Variants in DHRS7 observed in about 807,000 individuals in gnomAD.
The protein encoded by DHRS7 is dehydrogenase/reductase 7.
In DHRS7, 34 loss-of-function variants were observed where a neutral mutation model predicts 38.9. That is an observed-to-expected ratio of 0.87 (90% CI 0.66 to 1.16). The LOEUF (loss-of-function observed/expected upper bound fraction) is 1.16. DHRS7 is among the 50% of genes most tolerant of loss of function. The probability of loss-of-function intolerance (pLI) is 0.00; values close to 1 mark genes in which losing one functional copy is unlikely to be tolerated. For missense variants in DHRS7, 421 were observed against 407.0 expected (o/e 1.03, Z -0.30); for synonymous variants, 158 against 153.1 (o/e 1.03, Z -0.24).
chr14:60,168,866 C>A, upstream of DHRS7: 2 of 1,272,262 alleles, frequency 1.6e-6, no homozygotes, highest in South Asian at 1.7e-5. Flanking sequence ...CAGAGGAGAA[C>A]TTGACATATT....
In DHRS7 at chr14:60,165,326, C is replaced by G; in HGVS notation, c.-17G>C. The G allele has an allele frequency of 1.3e-6, 2 of 1,566,536 alleles. No homozygotes were observed. The highest frequency in any genetic ancestry group is 1.7e-6 in the Non-Finnish European group (2 of 1,160,222). ...CCAGTTCATTGCGGCCGCGCACGCC[C>G]AGCTCGGGGGGAAGAAGACGGCCCG... is the stretch of plus-strand genomic sequence containing the variant. On this transcript the variant is annotated 5_prime_UTR_variant, in exon 1 of 7. Transcript: ENST00000557185. The surrounding 1 kb of genome is among the most constrained non-coding windows in gnomAD (Gnocchi z 4.6).
chr14:60,158,121 T>A (rs2140606491), intron 1 of DHRS7, among the ~76,000 whole-genome samples: 1 of 150,542 alleles, frequency 6.6e-6, no homozygotes, highest in Non-Finnish European at 1.5e-5. Context: ...TAACCCCAAC[T>A]ACTCAGGAGG....
At position 60,162,091 on chromosome 14, in the gene DHRS7, T is replaced by C. The variant is rs1369623824; in HGVS notation, c.133+3086A>G. Among the ~76,000 whole-genome samples the C allele has an allele frequency of 6.6e-6, 1 of 152,200 alleles. No individual in the cohort carries two copies. Among genetic ancestry groups the C allele is most frequent in the Non-Finnish European group, 1.5e-5 (1 of 68,030 alleles). ...TTAGTCACCCTTAAATTTCACCATA[T>C]GTGGCTGGGCTTGGCAGTTCACATC... On this transcript the variant is annotated intron_variant, in intron 1 of 6. Transcript: ENST00000557185. This position sits in a 1 kb window ranked among gnomAD's most constrained non-coding sequence, Gnocchi z 4.5.
chr14:60,149,211 G>C (rs1209274806), intron 6 of DHRS7, 142 bp downstream of exon 6: 8 of 728,940 alleles, frequency 1.1e-5, no homozygotes, highest in Admixed American at 6.8e-5. Flanking sequence ...GGCCTCAAGT[G>C]ATCTGCCTTG....
chr14:60,157,766 C>G (rs2140605954), intron 1 of DHRS7, among the ~76,000 whole-genome samples: 1 of 152,236 alleles, frequency 6.6e-6, no homozygotes, highest in South Asian at 2.1e-4. Flanking sequence ...AATAAACACC[C>G]AAGAACCCTG....
upstream of DHRS7, chr14:60,169,030 C>T (rs1407427857): frequency 4.2e-6 from 1 of 236,076 alleles, no homozygotes; most frequent in African/African-American, 2.3e-5. Context: ...GCCTGGAAGG[C>T]AGAAGTTGCA....
intron 6 of DHRS7, chr14:60,149,113 C>A: frequency 2.1e-6 from 1 of 477,526 alleles, no homozygotes; most frequent in South Asian, 2.2e-5. Context: ...GCTGGGATTA[C>A]AGGCATGCAC....
Position 60,144,647 on chromosome 14 carries a change from A to G in DHRS7, c.*319T>C. 1 of 231,206 alleles carries G rather than the reference A, an allele frequency of 4.3e-6. No individual in the cohort carries two copies. The highest frequency in any genetic ancestry group is 8.3e-6 in the Non-Finnish European group (1 of 120,372). 14.3% of individuals were successfully genotyped at this position (231,206 alleles called of 1,614,324 possible). On this transcript the variant is annotated 3_prime_UTR_variant, in exon 7 of 7. Transcript: ENST00000557185. ...AACAGATTTCTGTTGTTTATAAATT[A>G]CCAAATCTGTGGTATTTTGTTATAG...
upstream of DHRS7, chr14:60,168,666 CCTT>C (rs778882767): frequency 5.2e-6 from 8 of 1,539,212 alleles, no homozygotes; most frequent in South Asian, 3.7e-5. Context: ...TTTTTCCTCT[CCTT>C]CTCTTTTTTC....
At chr14:60,169,683 T>TA (rs1896909216), upstream of DHRS7, 1 of 152,296 alleles carries the variant, frequency 6.6e-6, no homozygotes, top group Admixed American at 6.5e-5. Context: ...TGTCACTGTA[T>TA]GGAAACACCT....
chr14:60,149,672 G>A (rs1029019883), intron 5 of DHRS7, 104 bp from the exon 6 acceptor site: 2 of 814,584 alleles, frequency 2.5e-6, no homozygotes, highest in Admixed American at 5.6e-5. Context: ...CTTTAGTGGA[G>A]CTTCATGCCC....
chr14:60,154,947 C>G (rs1002551956), intron 2 of DHRS7, among the ~76,000 whole-genome samples: 2 of 151,924 alleles, frequency 1.3e-5, no homozygotes, highest in Non-Finnish European at 2.9e-5. Context: ...ATGAAAGAGG[C>G]CTGTTGCCCT....
chr14:60,156,056 A>G lies in DHRS7; in HGVS notation c.230T>C (p.Leu77Pro), dbSNP rs770847732. The G allele has an allele frequency of 1.2e-6, 2 of 1,606,694 alleles. No individual in the cohort carries two copies. Among genetic ancestry groups the G allele is most frequent in the East Asian group, 2.3e-5 (1 of 44,278 alleles). ...AYQLSKLGVS[L>P]VLSARRVHEL... ...ATGCACTCTTCTGGCTGACAGCACA[A>G]GAGAAACTCCTAGTTTAGACAACTG... The change falls in exon 2 of 7, where the codon CTT (leucine) becomes CCT (proline). Residue 77 changes from leucine (L) to proline (P), a missense_variant. Physicochemically the swap from Leu to Pro is moderately conservative, Grantham distance 98. Coordinates refer to ENST00000557185, the MANE Select transcript of DHRS7 (RefSeq NM_016029.4).
At chr14:60,155,713 CA>C (rs1896644142) in intron 2 of DHRS7, 1 of 230,042 alleles carries the variant, frequency 4.3e-6, no homozygotes, top group Admixed American at 5.7e-5. Flanking sequence ...TTCTCTAAGA[CA>C]AAAATCTAAG....
intron 1 of DHRS7, among the ~76,000 whole-genome samples, chr14:60,160,871 G>A (rs2140611295): frequency 6.6e-6 from 1 of 152,298 alleles, no homozygotes; most frequent in Non-Finnish European, 1.5e-5. Context: ...GATTACAGGC[G>A]TGAGCTACCG....
chr14:60,169,002 G>T (rs1896899316), upstream of DHRS7: 1 of 328,364 alleles, frequency 3.0e-6, no homozygotes, highest in East Asian at 5.5e-5. Context: ...GGCTGAAGTG[G>T]GAGGATTGCT....
chr14:60,152,822 G>T, intron 4 of DHRS7, 117 bp downstream of exon 4: 1 of 1,184,758 alleles, frequency 8.4e-7, no homozygotes, highest in Admixed American at 2.2e-5. Context: ...AAGTCTCCTT[G>T]GGTCTCTCTG....
At chr14:60,165,489 C>CCCCACTCGCGGT, upstream of DHRS7, 1 of 1,329,694 alleles carries the variant, frequency 7.5e-7, no homozygotes, top group Non-Finnish European at 9.6e-7. The surrounding 1 kb of genome is among the most constrained non-coding windows in gnomAD (Gnocchi z 4.6). Context: ...GCACTCGCGG[C>CCCCACTCGCGGT]CCCACTCGCG....
Position 60,165,333 on chromosome 14 carries a change from G to C in DHRS7, c.-24C>G, listed in dbSNP as rs112661897. On this transcript the variant is annotated 5_prime_UTR_variant, in exon 1 of 7. Transcript: ENST00000557185. This position sits in a 1 kb window ranked among gnomAD's most constrained non-coding sequence, Gnocchi z 4.6. ...ATTGCGGCCGCGCACGCCCAGCTCG[G>C]GGGGAAGAAGACGGCCCGCACCAGA... 6.5e-4 allele frequency: 1,010 copies of C among 1,560,538 alleles called. 5 individuals carry two copies. The African/African-American group carries it at 9.2e-3, about 14-fold the overall frequency.
Sources: allele counts gnomAD v4.1 joint callset (sites outside exome capture counted in the v4.1 genomes callset), GRCh38; gene constraint gnomAD v4.1.1; non-coding constraint Gnocchi (gnomAD v3.1); transcripts MANE v1.5; gene names NCBI Gene and HGNC (gene_info 2026-07-23, HGNC 2026-07-21).